The following PTPRD variants were observed in gnomAD, a reference collection of about 807,000 sequenced individuals.
PTPRD encodes protein tyrosine phosphatase receptor type D.
In PTPRD, 34 loss-of-function variants were observed where a neutral mutation model predicts 214.5. That is an observed-to-expected ratio of 0.16 (90% CI 0.12 to 0.21). PTPRD has a LOEUF of 0.21. Among genes scored for constraint, PTPRD ranks in the 10% least tolerant of loss-of-function variants. The pLI is 1.00. For missense variants in PTPRD, 2,545 were observed against 2,398.7 expected (o/e 1.06, Z -1.27); for synonymous variants, 1,128 against 845.7 (o/e 1.33, Z -5.79).
intron 11 of PTPRD, among the ~76,000 whole-genome samples, chr9:8,766,864 G>A (rs1187366641): frequency 6.6e-6 from 1 of 152,136 alleles, no homozygotes; most frequent in Non-Finnish European, 1.5e-5. Flanking sequence ...TATGCCATAG[G>A]AACTTAACTC....
chr9:8,373,870 C>A (rs1350377726), intron 39 of PTPRD, among the ~76,000 whole-genome samples: 1 of 10,806 alleles, frequency 9.3e-5, no homozygotes, highest in African/African-American at 3.4e-4. Context: ...GTCTGTCTAT[C>A]TATCTATCTA....
chr9:8,593,379 C>T (rs192190267), intron 14 of PTPRD, among the ~76,000 whole-genome samples: 306 of 152,276 alleles, frequency 2.0e-3, no homozygotes, highest in Non-Finnish European at 3.4e-3. Context: ...ACAAAAGGTA[C>T]GTAGACCTGG....
At chr9:9,175,943 T>C (rs796109093) in intron 10 of PTPRD, among the ~76,000 whole-genome samples, 32 of 152,226 alleles carry the variant, frequency 2.1e-4, no homozygotes, top group African/African-American at 7.5e-4. Context: ...AAGCACAAAG[T>C]CTTTTATATA....
intron 11 of PTPRD, among the ~76,000 whole-genome samples, chr9:8,871,900 G>A (rs1198164011): frequency 6.6e-6 from 1 of 152,156 alleles, no homozygotes; most frequent in East Asian, 1.9e-4. Flanking sequence ...ATATTTGGCT[G>A]TAGCCAGTAT....
At chr9:8,322,007 T>TATG (rs202067952) in intron 44 of PTPRD, among the ~76,000 whole-genome samples, 6,890 of 152,212 alleles carry the variant, frequency 0.045, 204 homozygotes, top group South Asian at 0.16. Context: ...ATTACATCTG[T>TATG]TAAAGTGATC....
chr9:10,161,018 T>C (rs1006933814), intron 3 of PTPRD, among the ~76,000 whole-genome samples: 7 of 151,684 alleles, frequency 4.6e-5, no homozygotes, highest in Admixed American at 2.6e-4. Flanking sequence ...ACCAAAGATA[T>C]AAAAATCCTG....
In PTPRD at chr9:10,329,073, G is replaced by C. The variant is rs551181004; in HGVS notation, c.-545+11890C>G. Among the ~76,000 whole-genome samples the C allele has an allele frequency of 2.0e-5, 3 of 151,792 alleles. No homozygotes were observed. The East Asian group carries it at 5.9e-4, about 30-fold the overall frequency. On this transcript the variant is annotated intron_variant, in intron 3 of 45. Coordinates refer to ENST00000381196, the MANE Select transcript of PTPRD (RefSeq NM_002839.4). ...TCCAAATAATGAATTTGGAACACCA[G>C]CTTAATACATTGGAAATTATAGTTG...
intron 11 of PTPRD, among the ~76,000 whole-genome samples, chr9:8,872,439 T>G (rs538200217): frequency 1.2e-4 from 18 of 152,332 alleles, no homozygotes; most frequent in African/African-American, 3.6e-4. Flanking sequence ...TGTTGTATTA[T>G]TACAATCCTG....
intron 9 of PTPRD, among the ~76,000 whole-genome samples, chr9:9,338,981 C>T (rs932056688): frequency 1.3e-5 from 2 of 152,136 alleles, no homozygotes; most frequent in Non-Finnish European, 2.9e-5. Flanking sequence ...ATTCCTGCTA[C>T]TTTAAGGATG....
At chr9:9,458,807 G>A (rs1588994232) in intron 8 of PTPRD, among the ~76,000 whole-genome samples, 2 of 152,054 alleles carry the variant, frequency 1.3e-5, no homozygotes, top group South Asian at 4.1e-4. Flanking sequence ...GAGTGTGGTG[G>A]TGTATGCCTG....
intron 10 of PTPRD, among the ~76,000 whole-genome samples, chr9:9,061,011 T>G (rs2099706225): frequency 6.6e-6 from 1 of 152,164 alleles, no homozygotes; most frequent in Non-Finnish European, 1.5e-5. Context: ...CATACATACT[T>G]AAATAACTTC....
intron 3 of PTPRD, among the ~76,000 whole-genome samples, chr9:10,047,812 C>A (rs1380604716): frequency 1.3e-5 from 2 of 152,078 alleles, no homozygotes; most frequent in Non-Finnish European, 2.9e-5. Context: ...TTTCATCTAC[C>A]AAAGACAACT....
At chr9:8,932,388 C>A (rs942807037) in intron 11 of PTPRD, among the ~76,000 whole-genome samples, 1 of 152,132 alleles carries the variant, frequency 6.6e-6, no homozygotes, top group Non-Finnish European at 1.5e-5. Context: ...CAAACAATAT[C>A]TTTGTTTCTG....
intron 11 of PTPRD, among the ~76,000 whole-genome samples, chr9:8,790,092 C>T (rs909466208): frequency 1.3e-5 from 2 of 152,106 alleles, no homozygotes; most frequent in Non-Finnish European, 2.9e-5. Context: ...TCATCACTCA[C>T]GGCAGCCTCA....
At chr9:9,872,083 A>G (rs553272029) in intron 5 of PTPRD, among the ~76,000 whole-genome samples, 4 of 152,224 alleles carry the variant, frequency 2.6e-5, no homozygotes, top group African/African-American at 7.2e-5. Flanking sequence ...GCTCCCCTCT[A>G]TAATTGTTCA....
intron 2 of PTPRD, among the ~76,000 whole-genome samples, chr9:10,424,163 A>C (rs1000339099): frequency 1.7e-4 from 26 of 152,116 alleles, no homozygotes; most frequent in Admixed American, 4.6e-4. Flanking sequence ...GACTTTATGA[A>C]TGAAAATAGA....
At chr9:9,590,686 G>T (rs1295450461) in intron 7 of PTPRD, among the ~76,000 whole-genome samples, 1 of 151,784 alleles carries the variant, frequency 6.6e-6, no homozygotes, top group Non-Finnish European at 1.5e-5. Flanking sequence ...TACATAAAAA[G>T]AGCATGAGCT....
intron 3 of PTPRD, among the ~76,000 whole-genome samples, chr9:10,237,706 C>T (rs895361044): frequency 2.6e-5 from 4 of 151,812 alleles, no homozygotes; most frequent in Admixed American, 6.6e-5. Context: ...CTGCCCCTGA[C>T]ATGGAACATG....
intron 5 of PTPRD, among the ~76,000 whole-genome samples, chr9:9,927,037 T>C (rs1191064351): frequency 1.3e-5 from 2 of 152,174 alleles, no homozygotes; most frequent in African/African-American, 4.8e-5. Context: ...TTATATTTTA[T>C]ATGCCTTAGG....
Sources: gnomAD v4.1 joint callset for allele counts (sites outside exome capture counted in the v4.1 genomes callset) on GRCh38, gnomAD v4.1.1 for gene constraint, MANE v1.5 for transcripts, NCBI Gene and HGNC (gene_info 2026-07-23, HGNC 2026-07-21) for gene names.